ADAM2: variants seen among roughly 807,000 people sequenced by gnomAD.
ADAM2 encodes the protein ADAM metallopeptidase domain 2.
A neutral mutation model predicts 99.3 loss-of-function variants in ADAM2; 101 were observed. The ratio of observed to expected loss-of-function variants is 1.02; its 90% CI spans 0.87 to 1.20. The LOEUF (loss-of-function observed/expected upper bound fraction) is 1.20. Ranked by LOEUF, ADAM2 falls within the 50% of genes most tolerant of loss-of-function variation. The pLI is 0.00. For missense variants in ADAM2, 948 were observed against 878.7 expected, an observed-to-expected ratio of 1.08 and a Z score of -1.00; for synonymous variants, 323 against 287.6, an observed-to-expected ratio of 1.12 and a Z score of -1.25.
Position 39,767,241 on chromosome 8 carries a change from A to T in ADAM2, c.1223T>A (p.Leu408His). ...CDCGTEQDCA[L>H]IGETCCDIAT... ...AATATCACAGCATGTTTCTCCAATA[A>T]GGGCACAATCCTGTAAGGCAAATCA... Residue 408 changes from leucine to histidine, a missense_variant, in exon 13 of 21, where the codon CTT becomes CAT. Physicochemically the swap from Leu to His is moderately conservative, Grantham distance 99. Transcript: ENST00000265708. 1 of 1,607,062 alleles carries T rather than the reference A, an allele frequency of 6.2e-7. No homozygotes were observed. The highest frequency in any genetic ancestry group is 8.5e-7 in the Non-Finnish European group (1 of 1,178,072).
rs1802131356 is a variant in ADAM2, at chr8:39,755,896, T to C, written c.1629A>G (p.Gly543=). The change falls in exon 16 of 21, where the codon GGA becomes GGG. Residue 543 remains glycine (G), a synonymous_variant. Coordinates refer to ENST00000265708, the MANE Select transcript of ADAM2 (RefSeq NM_001464.5). ...TQCEADNLQC[G]KLICKYVGKF... is the part of the protein sequence containing the mutation. Reference sequence around the variant, plus strand: ...TACCTACATATTTACATATTAATTTTCCGCACTGCAGATTGCTATAATTTA... The same window carrying C: ...TACCTACATATTTACATATTAATTTCCCGCACTGCAGATTGCTATAATTTA... 1 of 1,540,710 alleles carries C rather than the reference T, an allele frequency of 6.5e-7. No individual in the cohort carries two copies. Among genetic ancestry groups the C allele is most frequent in the Non-Finnish European group, 8.9e-7 (1 of 1,119,598 alleles).
chr8:39,778,028 A>ATATAAAATTTATATATTAAT (rs1158308715), intron 10 of ADAM2, among the ~76,000 whole-genome samples: 2 of 147,852 alleles, frequency 1.4e-5, no homozygotes, highest in Non-Finnish European at 3.0e-5. Flanking sequence ...TATAATTTTA[A>ATATAAAATTTATATATTAAT]TATATAATTT....
intron 16 of ADAM2, among the ~76,000 whole-genome samples, chr8:39,751,228 G>T (rs1419593121): frequency 6.6e-6 from 1 of 152,164 alleles, no homozygotes; most frequent in Non-Finnish European, 1.5e-5. Flanking sequence ...CTGGATACTG[G>T]ATACAGATTA....
In ADAM2 at chr8:39,761,278, A is replaced by G. The variant is rs775304925; in HGVS notation, c.1511T>C (p.Val504Ala). The G allele has an allele frequency of 6.3e-7, 1 of 1,576,972 alleles. No homozygotes were observed. Among genetic ancestry groups the G allele is most frequent in the Non-Finnish European group, 8.6e-7 (1 of 1,158,772 alleles). ...KQCTDTFGKE[V>A]EFGPSECYSH... is the part of the protein sequence containing the mutation. ...ATAACATTCTGAAGGGCCAAACTCT[A>G]CTTCTGAAAATAAAAAGGTGAGGTT... Residue 504 changes from valine to alanine, a missense_variant, in exon 15 of 21, where the codon GTA (valine) becomes GCA (alanine). Coordinates refer to ENST00000265708, the MANE Select transcript of ADAM2 (RefSeq NM_001464.5).
chr8:39,792,817 G>A (rs902607745), intron 7 of ADAM2, among the ~76,000 whole-genome samples: 4 of 152,044 alleles, frequency 2.6e-5, no homozygotes, highest in African/African-American at 4.8e-5. Flanking sequence ...AAACATTCTG[G>A]TCTATGCATG....
chr8:39,792,058 C>T (rs1371975036), intron 7 of ADAM2, among the ~76,000 whole-genome samples: 2 of 151,778 alleles, frequency 1.3e-5, no homozygotes, highest in African/African-American at 4.8e-5. Flanking sequence ...TATCACACAA[C>T]ACAGCAGTGT....
chr8:39,788,668 C>A lies in ADAM2; in HGVS notation c.642+1G>T. ...AAAAGTACTAAGAAGCAAAGACTTA[C>A]AGCATTCGTCAATCCAATCAACTGG... On this transcript the variant is annotated splice_donor_variant, in intron 8 of 20. Transcript: ENST00000265708. LOFTEE classifies it high-confidence loss of function. 1 of 1,573,004 alleles carries A rather than the reference C, an allele frequency of 6.4e-7. No homozygotes were observed. Among genetic ancestry groups the A allele is most frequent in the Non-Finnish European group, 8.7e-7 (1 of 1,155,472 alleles).
At chr8:39,754,593 C>T (rs1802076555) in intron 16 of ADAM2, among the ~76,000 whole-genome samples, 1 of 152,172 alleles carries the variant, frequency 6.6e-6, no homozygotes, top group Non-Finnish European at 1.5e-5. Flanking sequence ...AAATGACTTA[C>T]ATTTTGTGTG....
At chr8:39,778,213 T>C (rs1803077964) in intron 10 of ADAM2, among the ~76,000 whole-genome samples, 1 of 151,940 alleles carries the variant, frequency 6.6e-6, no homozygotes. Context: ...TTGATGAATA[T>C]ACTTCATGAT....
chr8:39,757,304 T>G (rs534369256), intron 15 of ADAM2, among the ~76,000 whole-genome samples: 1 of 152,088 alleles, frequency 6.6e-6, no homozygotes, highest in African/African-American at 2.4e-5. Flanking sequence ...GAAACACACA[T>G]GCTCACACTT....
intron 14 of ADAM2, among the ~76,000 whole-genome samples, chr8:39,761,496 C>A (rs1802369468): frequency 6.6e-6 from 1 of 152,172 alleles, no homozygotes; most frequent in African/African-American, 2.4e-5. Flanking sequence ...TATTCAAAGA[C>A]ATATCCTAGA....
At chr8:39,809,630 C>T (rs1804609295) in intron 6 of ADAM2, among the ~76,000 whole-genome samples, 164 bp from the exon 7 acceptor site, 1 of 152,160 alleles carries the variant, frequency 6.6e-6, no homozygotes, top group African/African-American at 2.4e-5. Context: ...TCATTTTCAT[C>T]TATTTGTCAC....
chr8:39,766,057 G>T (rs908286752), intron 14 of ADAM2, among the ~76,000 whole-genome samples: 1 of 152,066 alleles, frequency 6.6e-6, no homozygotes, highest in Non-Finnish European at 1.5e-5. Context: ...TTTAACGTCA[G>T]TGCACATCAT....
chr8:39,829,779 G>T (rs2129589053), intron 3 of ADAM2, among the ~76,000 whole-genome samples: 1 of 152,048 alleles, frequency 6.6e-6, no homozygotes. Flanking sequence ...CATGAAATTG[G>T]ATGCTATACA....
chr8:39,770,961 A>AT (rs905742147), intron 11 of ADAM2, among the ~76,000 whole-genome samples: 2 of 152,098 alleles, frequency 1.3e-5, no homozygotes, highest in African/African-American at 4.8e-5. Context: ...TGCCCTTTGC[A>AT]TTTTTTTCCT....
At chr8:39,795,647 T>G (rs996179819) in intron 7 of ADAM2, among the ~76,000 whole-genome samples, 13 of 152,074 alleles carry the variant, frequency 8.5e-5, no homozygotes, top group Admixed American at 3.3e-4. Flanking sequence ...CTAAAATCCA[T>G]AAAAGCAAGC....
chr8:39,813,588 C>T (rs948988304), intron 6 of ADAM2, among the ~76,000 whole-genome samples: 2 of 152,082 alleles, frequency 1.3e-5, no homozygotes, highest in Admixed American at 1.3e-4. Flanking sequence ...TACTATGTAG[C>T]CATAAAAAAG....
rs764381520 is a variant in ADAM2, at chr8:39,786,963, C to A, written c.891+11G>T. The A allele has an allele frequency of 5.1e-6, 8 of 1,565,834 alleles. No individual in the cohort carries two copies. The highest frequency in any genetic ancestry group is 7.0e-6 in the Non-Finnish European group (8 of 1,150,846). On this transcript the variant is annotated intron_variant, in intron 10 of 20. Transcript: ENST00000265708. ...TATGTAGCATACTTTCTATACATAA[C>A]CATACCATACCAGAACAACACCTCC...
intron 6 of ADAM2, among the ~76,000 whole-genome samples, chr8:39,812,263 A>G (rs558775261): frequency 6.4e-4 from 97 of 152,356 alleles, no homozygotes; most frequent in Non-Finnish European, 1.1e-3. Flanking sequence ...CCACTGCTCA[A>G]CGAAATAAAA....
Sources: allele counts gnomAD v4.1 joint callset (sites outside exome capture counted in the v4.1 genomes callset), GRCh38; gene constraint gnomAD v4.1.1; transcripts MANE v1.5; gene names NCBI Gene and HGNC (gene_info 2026-07-23, HGNC 2026-07-21).